The following SP140L variants were observed in gnomAD, a reference collection of about 807,000 sequenced individuals.
SP140L encodes the protein nuclear body protein SP140-like protein.
SP140L carries 64 observed loss-of-function variants against 84.3 expected under a neutral mutation model. The ratio of observed to expected loss-of-function variants is 0.76; its 90% CI spans 0.62 to 0.94. The LOEUF (loss-of-function observed/expected upper bound fraction) is 0.94, where lower values mean the gene tolerates loss of function less well. Among genes scored for constraint, SP140L ranks in the 40% least tolerant of loss-of-function variants. SP140L has a pLI of 0.00. For missense variants in SP140L, 628 were observed against 692.5 expected, an observed-to-expected ratio of 0.91 and a Z score of 1.05; for synonymous variants, 242 against 236.9, an observed-to-expected ratio of 1.02 and a Z score of -0.20.
intron 2 of SP140L, among the ~76,000 whole-genome samples, chr2:230,342,418 G>A (rs1385008197): frequency 1.3e-5 from 2 of 152,216 alleles, no homozygotes; most frequent in Non-Finnish European, 2.9e-5. Flanking sequence ...GATGAACCCA[G>A]TACCTCAGAT....
intron 2 of SP140L, among the ~76,000 whole-genome samples, chr2:230,338,856 A>T (rs1434886645): frequency 1.4e-5 from 2 of 143,578 alleles, no homozygotes; most frequent in African/African-American, 5.4e-5. Context: ...CCACTTGATC[A>T]TGGTGGATAA....
intron 2 of SP140L, among the ~76,000 whole-genome samples, chr2:230,337,657 G>T (rs1256147838): frequency 6.6e-6 from 1 of 152,200 alleles, no homozygotes; most frequent in Admixed American, 6.5e-5. Flanking sequence ...AATCCACCTT[G>T]AATTAATTTT....
At position 230,327,273 on chromosome 2, in the gene SP140L, G is replaced by A. The variant is rs1185177158; in HGVS notation, c.4G>A (p.Ala2Thr). The A allele has an allele frequency of 6.2e-7, 1 of 1,611,444 alleles. No individual in the cohort carries two copies. The highest frequency in any genetic ancestry group is 8.5e-7 in the Non-Finnish European group (1 of 1,178,828). Residue 2 changes from alanine to threonine, a missense_variant, in exon 1 of 19, where the codon GCA becomes ACA. Transcript: ENST00000415673. ...AGGCAGGGCCTAGGGTGGGACGATG[G>A]CAGGTGGGGGCAGCGACCTGAGCAC... Reference protein sequence around the residue: MAGGGSDLSTRG... With the variant: MTGGGSDLSTRG...
intron 8 of SP140L, among the ~76,000 whole-genome samples, chr2:230,384,362 A>C (rs2061501566): frequency 6.6e-6 from 1 of 152,140 alleles, no homozygotes; most frequent in Non-Finnish European, 1.5e-5. Context: ...CCATAATTAT[A>C]TATGTTATTT....
In SP140L at chr2:230,385,242, G is replaced by T; in HGVS notation, c.722G>T (p.Gly241Val). 4 of 1,613,678 alleles carry T rather than the reference G, an allele frequency of 2.5e-6. No homozygotes were observed. Among genetic ancestry groups the T allele is most frequent in the Non-Finnish European group, 3.4e-6 (4 of 1,179,728 alleles). Reference sequence around the variant, plus strand: ...TCCCCAGATAACAGCAAAGCCGATGGCCAGCTGGTCTCGAGTGAAAAGAAG... The same window carrying T: ...TCCCCAGATAACAGCAAAGCCGATGTCCAGCTGGTCTCGAGTGAAAAGAAG... ...NQQNDNSKAD[G>V]QLVSSEKKAN... Residue 241 changes from glycine (G) to valine (V), a missense_variant, in exon 9 of 19, where the codon GGC becomes GTC. By Grantham distance (109) the Gly-to-Val change is moderately radical (BLOSUM62 -3). Coordinates refer to ENST00000415673, the MANE Select transcript of SP140L (RefSeq NM_138402.6).
At chr2:230,329,681 T>C (rs2059673775) in intron 2 of SP140L, among the ~76,000 whole-genome samples, 1 of 152,234 alleles carries the variant, frequency 6.6e-6, no homozygotes, top group Non-Finnish European at 1.5e-5. Context: ...CTTCACCTTC[T>C]GCCATGATTT....
chr2:230,343,022 A>T (rs2060104175), intron 2 of SP140L, among the ~76,000 whole-genome samples: 1 of 152,134 alleles, frequency 6.6e-6, no homozygotes, highest in Non-Finnish European at 1.5e-5. Context: ...ACCTGATAGA[A>T]TTGCTCCTGC....
Position 230,383,579 on chromosome 2 carries a change from A to G in SP140L, c.703+4A>G. On this transcript the variant is annotated splice_donor_region_variant and intron_variant, in intron 8 of 18. Coordinates refer to ENST00000415673, the MANE Select transcript of SP140L (RefSeq NM_138402.6). ...CAGAAAAACAACCAACAAAATGGTA[A>G]GCAGGCAAAGTGAAGTAGTTACAGC... 1 of 1,599,096 alleles carries G rather than the reference A, an allele frequency of 6.3e-7. No individual in the cohort carries two copies.
At chr2:230,345,028 A>C (rs1472885405) in intron 2 of SP140L, among the ~76,000 whole-genome samples, 1 of 152,220 alleles carries the variant, frequency 6.6e-6, no homozygotes, top group African/African-American at 2.4e-5. Flanking sequence ...TTTGATCTAA[A>C]GTCTGGTTCA....
chr2:230,399,229 G>A (rs1286098181), intron 14 of SP140L, among the ~76,000 whole-genome samples: 1 of 152,158 alleles, frequency 6.6e-6, no homozygotes, highest in Admixed American at 6.5e-5. Context: ...TAATGACTGG[G>A]ATTTGTTCCA....
chr2:230,361,793 C>G (rs780176883), intron 5 of SP140L, 96 bp downstream of exon 5: 13 of 896,102 alleles, frequency 1.5e-5, no homozygotes, highest in Non-Finnish European at 1.9e-5. Context: ...AATTGTGAAA[C>G]AGGGAAGACA....
At chr2:230,346,807 CT>C (rs2060222376) in intron 2 of SP140L, among the ~76,000 whole-genome samples, 1 of 152,132 alleles carries the variant, frequency 6.6e-6, no homozygotes, top group Non-Finnish European at 1.5e-5. Context: ...AGTTGTCCAT[CT>C]GTGTTCTCTT....
chr2:230,396,952 A>T (rs532651645), intron 14 of SP140L, among the ~76,000 whole-genome samples, 154 bp downstream of exon 14: 1 of 152,188 alleles, frequency 6.6e-6, no homozygotes, highest in East Asian at 1.9e-4. Flanking sequence ...AGCCAGGTAG[A>T]TGTGCTTGGG....
At chr2:230,363,983 G>A (rs2060798105) in intron 5 of SP140L, among the ~76,000 whole-genome samples, 2 of 151,960 alleles carry the variant, frequency 1.3e-5, no homozygotes, top group Admixed American at 1.3e-4. Context: ...GACCAAAAAT[G>A]CATGGATTCA....
intron 2 of SP140L, among the ~76,000 whole-genome samples, chr2:230,345,582 C>CT (rs370794669): frequency 5.0e-4 from 71 of 142,414 alleles, no homozygotes; most frequent in South Asian, 1.3e-3. Context: ...TTTTGTAGTT[C>CT]TTTTTTTTTT....
chr2:230,343,636 C>G (rs2060127443), intron 2 of SP140L, among the ~76,000 whole-genome samples: 1 of 117,852 alleles, frequency 8.5e-6, no homozygotes, highest in Non-Finnish European at 1.9e-5. Flanking sequence ...ATTTCTGCCT[C>G]TAGGTCTCTG....
At chr2:230,357,123 A>G (rs767475093) in intron 2 of SP140L, among the ~76,000 whole-genome samples, 18 of 152,202 alleles carry the variant, frequency 1.2e-4, no homozygotes, top group Non-Finnish European at 2.5e-4. Flanking sequence ...TTTAAAAGGA[A>G]ACGGCAGCGA....
chr2:230,374,264 A>G (rs1234969793), intron 7 of SP140L, among the ~76,000 whole-genome samples: 2 of 151,454 alleles, frequency 1.3e-5, no homozygotes, highest in African/African-American at 2.4e-5. Flanking sequence ...TGCACTGAGC[A>G]GAGGTTGCAC....
intron 2 of SP140L, 150 bp downstream of exon 2, chr2:230,328,981 C>T (rs1386466770): frequency 4.0e-6 from 5 of 1,263,606 alleles, no homozygotes; most frequent in African/African-American, 1.5e-5. Flanking sequence ...AGGTGTTTGT[C>T]TTTTTTTCAT....
Sources: allele counts gnomAD v4.1 joint callset (sites outside exome capture counted in the v4.1 genomes callset), GRCh38; gene constraint gnomAD v4.1.1; transcripts MANE v1.5; gene names NCBI Gene and HGNC (gene_info 2026-07-23, HGNC 2026-07-21).